The following B3GALT1 variants were observed in gnomAD, a reference collection of about 807,000 sequenced individuals.
The protein encoded by B3GALT1 is UDP-Gal:betaGlcNAc beta 1,3-galactosyltransferase, polypeptide 1.
Under a neutral mutation model 23.2 loss-of-function variants are expected in B3GALT1, and 10 were observed. That is an observed-to-expected ratio of 0.43 (90% confidence interval 0.27 to 0.73). The LOEUF is 0.73. Among genes scored for constraint, B3GALT1 ranks in the 30% least tolerant of loss-of-function variants. The pLI is 0.21. For synonymous variants in B3GALT1, 156 were observed against 141.5 expected (o/e 1.10, Z -0.73); for missense variants, 299 against 405.4 (o/e 0.74, Z 2.25).
intron 1 of B3GALT1, among the ~76,000 whole-genome samples, chr2:167,366,596 C>G (rs923523282): frequency 1.3e-5 from 2 of 152,138 alleles, no homozygotes; most frequent in Non-Finnish European, 2.9e-5. Context: ...TTTCAGTTGT[C>G]TGTTATCCCA....
chr2:167,562,821 G>T (rs1684036349), intron 2 of B3GALT1, among the ~76,000 whole-genome samples: 1 of 151,764 alleles, frequency 6.6e-6, no homozygotes, highest in Non-Finnish European at 1.5e-5. Context: ...TGTGTCCCTG[G>T]GTACTTGAGA....
chr2:167,839,268 T>C (rs1689572743), intron 4 of B3GALT1, among the ~76,000 whole-genome samples: 2 of 151,648 alleles, frequency 1.3e-5, no homozygotes, highest in Non-Finnish European at 2.9e-5. Flanking sequence ...TGATTGTATA[T>C]CTAGAAAACC....
At chr2:167,824,615 C>T (rs992023109) in intron 4 of B3GALT1, among the ~76,000 whole-genome samples, 1 of 152,184 alleles carries the variant, frequency 6.6e-6, no homozygotes, top group Admixed American at 6.5e-5. Flanking sequence ...CCTCTCCAGC[C>T]TCAACCTGGC....
At chr2:167,856,802 GAT>G (rs1690007892) in intron 4 of B3GALT1, among the ~76,000 whole-genome samples, 1 of 152,180 alleles carries the variant, frequency 6.6e-6, no homozygotes. Context: ...AGGAAAGCAT[GAT>G]AGTAATTGGC....
chr2:167,770,933 G>A lies in B3GALT1; in HGVS notation c.-351-47739G>A, dbSNP rs534320132. Among the ~76,000 whole-genome samples, 6 of 152,212 alleles carry A rather than the reference G, an allele frequency of 3.9e-5. No homozygotes were observed. The South Asian group carries it at 6.2e-4, about 16-fold the overall frequency. On this transcript the variant is annotated intron_variant, in intron 3 of 4. Coordinates refer to ENST00000392690, the MANE Select transcript of B3GALT1 (RefSeq NM_020981.4). ...TGTGCCTTGCCCTATCTCCATTTTC[G>A]ATAGCAGCTAGATGTTCAATAAACA...
intron 1 of B3GALT1, among the ~76,000 whole-genome samples, chr2:167,359,615 G>A (rs1444495710): frequency 6.6e-6 from 1 of 152,108 alleles, no homozygotes. Context: ...CCTCCTCCTG[G>A]CTAACCATGA....
intron 2 of B3GALT1, among the ~76,000 whole-genome samples, chr2:167,626,040 G>A (rs573611460): frequency 4.8e-5 from 7 of 146,884 alleles, no homozygotes; most frequent in African/African-American, 7.6e-5. Flanking sequence ...TCACTTTGAA[G>A]GGAACAATTT....
intron 3 of B3GALT1, among the ~76,000 whole-genome samples, chr2:167,781,047 T>C (rs1398658589): frequency 6.6e-6 from 1 of 152,222 alleles, no homozygotes; most frequent in Non-Finnish European, 1.5e-5. Flanking sequence ...TAGAGAGGGC[T>C]TGGAGCCCAC....
At chr2:167,511,088 G>T (rs1699996957) in intron 2 of B3GALT1, among the ~76,000 whole-genome samples, 1 of 152,140 alleles carries the variant, frequency 6.6e-6, no homozygotes, top group Non-Finnish European at 1.5e-5. Flanking sequence ...GATAATCATG[G>T]ATATACAGAA....
chr2:167,494,000 T>A (rs545822034), intron 2 of B3GALT1, among the ~76,000 whole-genome samples: 1 of 152,150 alleles, frequency 6.6e-6, no homozygotes, highest in Non-Finnish European at 1.5e-5. Context: ...ATGTTAGAAG[T>A]ACTCCTGAGA....
intron 1 of B3GALT1, among the ~76,000 whole-genome samples, chr2:167,375,422 G>A (rs1350789272): frequency 6.6e-6 from 1 of 152,066 alleles, no homozygotes; most frequent in African/African-American, 2.4e-5. Flanking sequence ...TCTATAGATT[G>A]CTTTGGGAAG....
intron 3 of B3GALT1, among the ~76,000 whole-genome samples, chr2:167,682,713 C>T (rs1286607375): frequency 1.3e-5 from 2 of 152,220 alleles, no homozygotes; most frequent in Non-Finnish European, 1.5e-5. Flanking sequence ...ATCTCCACTT[C>T]CGCCCTCCCC....
chr2:167,655,148 T>C (rs1303216039), intron 3 of B3GALT1, among the ~76,000 whole-genome samples: 1 of 152,194 alleles, frequency 6.6e-6, no homozygotes, highest in Non-Finnish European at 1.5e-5. Flanking sequence ...CAAATTCCAT[T>C]TGAATGCAGC....
Position 167,619,377 on chromosome 2 carries a change from C to A in B3GALT1, c.-409-27532C>A, listed in dbSNP as rs533098247. Among the ~76,000 whole-genome samples, 83 of 152,038 alleles carry A rather than the reference C, an allele frequency of 5.5e-4. 1 individual carries two copies. The South Asian group carries it at 0.016, about 29-fold the overall frequency. ...GTATGTATATATTAATTTATATAAT[C>A]ATTTGTCTAATGGCTGCCCCCCAAC... On this transcript the variant is annotated intron_variant, in intron 2 of 4. Coordinates refer to ENST00000392690, the MANE Select transcript of B3GALT1 (RefSeq NM_020981.4).
intron 2 of B3GALT1, among the ~76,000 whole-genome samples, chr2:167,536,390 A>C (rs1431175895): frequency 1.2e-4 from 19 of 152,358 alleles, no homozygotes; most frequent in African/African-American, 4.3e-4. Context: ...ATTAACTCAC[A>C]TGGAAGCAAC....
At chr2:167,325,840 C>G (rs1696884375) in intron 1 of B3GALT1, among the ~76,000 whole-genome samples, 1 of 151,634 alleles carries the variant, frequency 6.6e-6, no homozygotes, top group Non-Finnish European at 1.5e-5. Flanking sequence ...GCATCAGCCT[C>G]CTGAGTAGCT....
At chr2:167,553,150 A>C (rs556815732) in intron 2 of B3GALT1, among the ~76,000 whole-genome samples, 1 of 152,326 alleles carries the variant, frequency 6.6e-6, no homozygotes, top group South Asian at 2.1e-4. Flanking sequence ...TCAGATTTTT[A>C]AAAAGGCTTC....
intron 1 of B3GALT1, among the ~76,000 whole-genome samples, chr2:167,415,773 G>C (rs10803824): frequency 0.8 from 122,098 of 152,108 alleles, 51,158 homozygotes; most frequent in East Asian, 0.92. Flanking sequence ...CTGGAGAAAA[G>C]TCCATCCTTG....
At chr2:167,671,444 T>G (rs571692770) in intron 3 of B3GALT1, among the ~76,000 whole-genome samples, 7 of 152,226 alleles carry the variant, frequency 4.6e-5, no homozygotes, top group Admixed American at 1.3e-4. Context: ...TTAAGAAGAT[T>G]GAAATCATAT....
Sources: allele counts gnomAD v4.1 joint callset (sites outside exome capture counted in the v4.1 genomes callset), GRCh38; gene constraint gnomAD v4.1.1; transcripts MANE v1.5; gene names NCBI Gene and HGNC (gene_info 2026-07-23, HGNC 2026-07-21).